DNAH3: variants seen among roughly 807,000 people sequenced by gnomAD.
DNAH3 encodes the protein dynein axonemal heavy chain 3, also known as axonemal beta dynein heavy chain 3.
In DNAH3, 332 loss-of-function variants were observed where a neutral mutation model predicts 432.5. That is an observed-to-expected ratio of 0.77 (90% CI 0.70 to 0.84). DNAH3 has a LOEUF of 0.84. DNAH3 is among the 40% of genes least tolerant of loss of function. The pLI is 0.00. For missense variants in DNAH3, 4,861 were observed against 5,114.0 expected (o/e 0.95, Z 1.51); for synonymous variants, 1,956 against 1,900.2 (o/e 1.03, Z -0.76).
chr16:20,944,559 C>G (rs1487388108), exon 58 of DNAH3: 1 of 1,614,070 alleles, frequency 6.2e-7, no homozygotes, highest in Non-Finnish European at 8.5e-7. Context: ...CCTCAAACAG[C>G]TGGTTGGTTT....
chr16:20,936,651 G>A lies in DNAH3; in HGVS notation c.11857C>T (p.Gln3953Ter). The change falls in exon 60 of 62, where the codon CAG becomes TAG. Residue 3953 changes from glutamine to a stop codon, truncating the protein, a stop_gained and splice_region_variant. Coordinates refer to ENST00000261383, the Ensembl canonical transcript of DNAH3. LOFTEE classifies it high-confidence loss of function. ...GGTTACCCCTGACTCCCAGGTACCT[G>A]GAAGAAGGTCAGGCGGGCCAGCAGG... 6.3e-7 allele frequency: 1 copy of A among 1,592,896 alleles called. No individual in the cohort carries two copies. The highest frequency in any genetic ancestry group is 8.6e-7 in the Non-Finnish European group (1 of 1,168,692).
chr16:21,066,486 G>A (rs2090554715), intron 24 of DNAH3, among the ~76,000 whole-genome samples: 1 of 152,014 alleles, frequency 6.6e-6, no homozygotes. Context: ...TCCTACCTCA[G>A]CCTCCAGAGT....
chr16:21,085,544 A>G lies in DNAH3; in HGVS notation c.2877+1305T>C, dbSNP rs531851719. On this transcript the variant is annotated intron_variant, in intron 19 of 61. Coordinates refer to ENST00000261383, the Ensembl canonical transcript of DNAH3. ...TTCCACCTCAAAAAAAAAAAAAAAA[A>G]AAAAGAAAAACAGAGGTCTACTCAG... 3.2e-3 allele frequency among the ~76,000 whole-genome samples: 484 copies of G among 151,648 alleles called. 6 individuals carry two copies. The highest frequency in any genetic ancestry group is 0.031 in the East Asian group (157 of 5,142).
At chr16:20,988,519 A>G (rs1228964234) in intron 44 of DNAH3, among the ~76,000 whole-genome samples, 1 of 152,126 alleles carries the variant, frequency 6.6e-6, no homozygotes, top group African/African-American at 2.4e-5. Context: ...GGCTCAAGAG[A>G]TTCTCCAGCC....
intron 10 of DNAH3, among the ~76,000 whole-genome samples, chr16:21,121,685 T>C (rs1174691635): frequency 3.3e-5 from 5 of 149,434 alleles, no homozygotes; most frequent in African/African-American, 1.2e-4. Flanking sequence ...CACTGAAACC[T>C]CTGCCTCCCG....
rs1227120940 is a variant in DNAH3, at chr16:21,125,237, G to A, written c.1342C>T (p.Gln448Ter). Reference sequence around the variant, plus strand: ...GACTTAATGACCAGCTCCCTAAGCTGCAGCGACATGAATGATGCCACAGAA... The same window carrying A: ...GACTTAATGACCAGCTCCCTAAGCTACAGCGACATGAATGATGCCACAGAA... Residue 448 changes from glutamine to a stop codon, truncating the protein, a stop_gained, in exon 9 of 62, where the codon CAG (glutamine) becomes TAG (stop). Transcript: ENST00000261383. LOFTEE classifies it high-confidence loss of function. The A allele has an allele frequency of 6.2e-7, 1 of 1,613,828 alleles. No individual in the cohort carries two copies. The highest frequency in any genetic ancestry group is 8.5e-7 in the Non-Finnish European group (1 of 1,179,834).
chr16:21,000,138 C>T, intron 43 of DNAH3, 86 bp downstream of exon 43: 1 of 1,407,542 alleles, frequency 7.1e-7, no homozygotes. Context: ...AAGGTATGTA[C>T]AGTGGCACCA....
chr16:21,118,817 C>T (rs2092268610), intron 11 of DNAH3, among the ~76,000 whole-genome samples: 1 of 152,150 alleles, frequency 6.6e-6, no homozygotes, highest in African/African-American at 2.4e-5. Context: ...ACGTGTGTGT[C>T]TCTGAGAATG....
intron 19 of DNAH3, among the ~76,000 whole-genome samples, chr16:21,085,199 T>A (rs1179211983): frequency 6.6e-6 from 1 of 150,804 alleles, no homozygotes; most frequent in Non-Finnish European, 1.5e-5. Context: ...GGCAACATAG[T>A]AAGACCCCCC....
At chr16:21,014,686 T>C (rs1197437926) in intron 41 of DNAH3, among the ~76,000 whole-genome samples, 1 of 150,016 alleles carries the variant, frequency 6.7e-6, no homozygotes, top group East Asian at 1.9e-4. Context: ...ATGTAAAAAA[T>C]CCCAAAGAAT....
At chr16:21,027,250 G>C in intron 37 of DNAH3, 123 bp from the exon 38 acceptor site, 2 of 706,580 alleles carry the variant, frequency 2.8e-6, no homozygotes, top group Non-Finnish European at 5.0e-6. Context: ...GAGCACTTAT[G>C]ATGTCCCAGG....
At chr16:21,057,133 T>C (rs1417571300) in intron 27 of DNAH3, among the ~76,000 whole-genome samples, 2 of 152,130 alleles carry the variant, frequency 1.3e-5, no homozygotes, top group Non-Finnish European at 2.9e-5. Flanking sequence ...ATTTAACAAA[T>C]ATTTGGTCAG....
chr16:21,130,470 A>G (rs2092537052), intron 7 of DNAH3, among the ~76,000 whole-genome samples: 1 of 151,748 alleles, frequency 6.6e-6, no homozygotes, highest in Non-Finnish European at 1.5e-5. Context: ...ACGCCTGGCT[A>G]ATTTTTGTAT....
chr16:21,060,927 T>C (rs1315829889), intron 25 of DNAH3, among the ~76,000 whole-genome samples: 2 of 149,352 alleles, frequency 1.3e-5, no homozygotes, highest in East Asian at 4.1e-4. Context: ...AGCCTTGAAC[T>C]CCTGGGCCCA....
At chr16:20,943,371 C>A (rs1170063677) in intron 58 of DNAH3, among the ~76,000 whole-genome samples, 1 of 152,172 alleles carries the variant, frequency 6.6e-6, no homozygotes, top group East Asian at 1.9e-4. Flanking sequence ...AGCCATGGCA[C>A]CCAGCCCTCG....
intron 49 of DNAH3, among the ~76,000 whole-genome samples, chr16:20,980,901 TCA>T (rs1334214488): frequency 2.0e-5 from 3 of 152,198 alleles, no homozygotes; most frequent in African/African-American, 4.8e-5. Flanking sequence ...ATGATATCTG[TCA>T]CAGTTACTCA....
At chr16:21,060,417 G>A in intron 25 of DNAH3, 61 bp from the exon 26 acceptor site, 1 of 1,301,486 alleles carries the variant, frequency 7.7e-7, no homozygotes, top group South Asian at 1.2e-5. Flanking sequence ...GAGGGAGAGT[G>A]GGCAGAACAC....
In DNAH3 at chr16:21,084,434, C is replaced by T. The variant is rs577896462; in HGVS notation, c.2877+2415G>A. ...ACCTCCCAGGCTCAAGTGATGCTCC[C>T]ACCTTAGCTTCCCTAGCAGCTGGGA... On this transcript the variant is annotated intron_variant, in intron 19 of 61. Transcript: ENST00000261383. Among the ~76,000 whole-genome samples the T allele has an allele frequency of 2.6e-5, 4 of 152,146 alleles. No homozygotes were observed. The East Asian group carries it at 7.8e-4, about 30-fold the overall frequency.
At chr16:20,953,786 C>A (rs1344788318) in intron 55 of DNAH3, among the ~76,000 whole-genome samples, 1 of 151,122 alleles carries the variant, frequency 6.6e-6, no homozygotes, top group African/African-American at 2.4e-5. Flanking sequence ...ACTTTGTCAT[C>A]CAGTTTGGAG....
Sources: gnomAD v4.1 joint callset for allele counts (sites outside exome capture counted in the v4.1 genomes callset) on GRCh38, gnomAD v4.1.1 for gene constraint, MANE v1.5 for transcripts, NCBI Gene and HGNC (gene_info 2026-07-23, HGNC 2026-07-21) for gene names.